EI24: variants seen among roughly 807,000 people sequenced by gnomAD.
EI24 encodes the protein EI24 autophagy associated transmembrane protein.
In EI24, 21 loss-of-function variants were observed where a neutral mutation model predicts 48.6. The observed-to-expected ratio is 0.43, with a 90% CI of 0.31 to 0.62. The LOEUF (loss-of-function observed/expected upper bound fraction) is 0.62, where lower values mean the gene tolerates loss of function less well. EI24 is among the 20% of genes least tolerant of loss of function. The pLI, the probability that EI24 is intolerant of heterozygous loss-of-function variation, is 0.10. For synonymous variants in EI24, 114 were observed against 145.5 expected (o/e 0.78, Z 1.56); for missense variants, 280 against 410.5 (o/e 0.68, Z 2.75).
chr11:125,569,659 C>T (rs111802869), intron 1 of EI24, 86 bp downstream of exon 1: 46,443 of 321,274 alleles, frequency 0.14, 3,761 homozygotes, highest in Middle Eastern at 0.24. Flanking sequence ...AGGCAGGGCC[C>T]GAGCGTGGGT....
rs373018001 is a variant in EI24, at chr11:125,578,534, G to A, written c.441+277G>A. Among the ~76,000 whole-genome samples the A allele has an allele frequency of 6.8e-4, 99 of 145,518 alleles. 1 individual carries two copies. The highest frequency in any genetic ancestry group is 1.0e-3 in the Non-Finnish European group (70 of 66,924). ...CAGTCTCACTCTGTCGCCCAGGCTG[G>A]AGTGCACTGCAACCTTTGCCTCCCG... On this transcript the variant is annotated intron_variant, in intron 6 of 10. Coordinates refer to ENST00000278903, the MANE Select transcript of EI24 (RefSeq NM_004879.5).
At chr11:125,580,342 G>A in intron 8 of EI24, 138 bp downstream of exon 8, 1 of 689,688 alleles carries the variant, frequency 1.4e-6, no homozygotes, top group Non-Finnish European at 2.6e-6. Flanking sequence ...GCAAGAGGGA[G>A]CTTACCTTCG....
intron 10 of EI24, 65 bp downstream of exon 10, chr11:125,582,485 TC>T: frequency 8.2e-7 from 1 of 1,220,196 alleles, no homozygotes; most frequent in South Asian, 1.5e-5. Context: ...ACCAGTTATG[TC>T]AGTGAGGCTT....
intron 10 of EI24, 138 bp downstream of exon 10, chr11:125,582,558 A>T: frequency 1.5e-6 from 1 of 665,324 alleles, no homozygotes; most frequent in Non-Finnish European, 2.4e-6. Flanking sequence ...AGAGAGAAAC[A>T]CTTCTGGGAT....
chr11:125,578,198 G>A lies in EI24; in HGVS notation c.382G>A (p.Ala128Thr). 6.2e-7 allele frequency: 1 copy of A among 1,613,976 alleles called. No individual in the cohort carries two copies. Among genetic ancestry groups the A allele is most frequent in the Non-Finnish European group, 8.5e-7 (1 of 1,179,894 alleles). ...ATTCTTCCTCACGTCAATTTTCAGTGCTCTTTGGGTGCTCCCCTTGTTTGT... is the reference window on the plus strand; with the variant it reads ...ATTCTTCCTCACGTCAATTTTCAGTACTCTTTGGGTGCTCCCCTTGTTTGT... ...LEFFLTSIFSALWVLPLFVLS... is the reference protein window; with the variant it reads ...LEFFLTSIFSTLWVLPLFVLS... Residue 128 changes from alanine to threonine, a missense_variant, in exon 6 of 11, where the codon GCT becomes ACT. By Grantham distance (58) the Ala-to-Thr change is moderately conservative. Coordinates refer to ENST00000278903, the MANE Select transcript of EI24 (RefSeq NM_004879.5).
chr11:125,570,785 C>T (rs892907619), intron 1 of EI24, among the ~76,000 whole-genome samples: 1 of 152,114 alleles, frequency 6.6e-6, no homozygotes, highest in African/African-American at 2.4e-5. Flanking sequence ...TATAGATGAG[C>T]CAGTGGCAGG....
chr11:125,577,027 T>C (rs999776371), intron 4 of EI24, among the ~76,000 whole-genome samples: 2 of 152,002 alleles, frequency 1.3e-5, no homozygotes, highest in Non-Finnish European at 2.9e-5. Context: ...TCAATTGGAG[T>C]GTTGGGAAAT....
At chr11:125,578,804 T>C (rs749436759) in intron 6 of EI24, 145 bp from the exon 7 acceptor site, 39 of 973,278 alleles carry the variant, frequency 4.0e-5, no homozygotes, top group Non-Finnish European at 5.0e-5. Context: ...TAGCTGGGAC[T>C]ATAGGCACAT....
chr11:125,576,149 A>T (rs1393703034), intron 3 of EI24, 106 bp from the exon 4 acceptor site: 25 of 1,138,772 alleles, frequency 2.2e-5, no homozygotes, highest in Non-Finnish European at 3.2e-5. Flanking sequence ...TGAGGCACTG[A>T]AAAATAATAC....
chr11:125,580,828 A>T (rs138929686), intron 8 of EI24: 1 of 154,500 alleles, frequency 6.5e-6, no homozygotes, highest in Non-Finnish European at 1.4e-5. Context: ...TGTAATCCCA[A>T]CACTTTGGGA....
rs139525965 is a variant in EI24, at chr11:125,577,589, C to T, written c.316+19C>T. 3,351 of 1,605,052 alleles carry T rather than the reference C, an allele frequency of 2.1e-3. 6 individuals carry two copies. The highest frequency in any genetic ancestry group is 2.5e-3 in the Non-Finnish European group (2,907 of 1,174,054). The stretch of plus-strand genomic sequence containing the variant: ...ATTATCGGTAAGTGTATACCCTGCT[C>T]CTTGTCTGTTGGGGACAGAGTGGGA... On this transcript the variant is annotated intron_variant, in intron 5 of 10. Coordinates refer to ENST00000278903, the MANE Select transcript of EI24 (RefSeq NM_004879.5).
intron 3 of EI24, chr11:125,575,905 C>T (rs1227423390): frequency 5.1e-6 from 2 of 393,130 alleles, no homozygotes; most frequent in Non-Finnish European, 1.0e-5. Flanking sequence ...TCTTCTGCCT[C>T]AGCGAACCGG....
In EI24 at chr11:125,578,190, T is replaced by A. The variant is rs1938830464; in HGVS notation, c.374T>A (p.Ile125Asn). Residue 125 changes from isoleucine to asparagine, a missense_variant, in exon 6 of 11, where the codon ATT becomes AAT. By Grantham distance (149) the Ile-to-Asn change is moderately radical. Transcript: ENST00000278903. ...TGGCTGGAATTCTTCCTCACGTCAA[T>A]TTTCAGTGCTCTTTGGGTGCTCCCC... ...WSWLEFFLTS[I>N]FSALWVLPLF... 6.2e-7 allele frequency: 1 copy of A among 1,613,878 alleles called. No individual in the cohort carries two copies. Among genetic ancestry groups the A allele is most frequent in the African/African-American group, 1.3e-5 (1 of 74,928 alleles).
chr11:125,575,133 A>C (rs1475334832), intron 2 of EI24, 130 bp from the exon 3 acceptor site: 2 of 753,740 alleles, frequency 2.7e-6, no homozygotes, highest in Non-Finnish European at 3.9e-6. Flanking sequence ...AGGCTGAGGC[A>C]GGAGGATCAT....
At position 125,584,250 on chromosome 11, in the gene EI24, A is replaced by T. The variant is rs1031104215; in HGVS notation, c.*567A>T. On this transcript the variant is annotated 3_prime_UTR_variant, in exon 11 of 11. Transcript: ENST00000278903. ...ACTGCAAAAAAAAAAAAAAAAAAAA[A>T]AAAAAAAAAAAAGCCTGAAGAGATG... 2.7e-5 allele frequency: 4 copies of T among 150,416 alleles called. No homozygotes were observed. Among genetic ancestry groups the T allele is most frequent in the African/African-American group, 9.9e-5 (4 of 40,392 alleles). 9.3% of individuals were successfully genotyped at this position (150,416 alleles called of 1,614,324 possible). A position where few individuals can be genotyped will look rare whatever the true frequency, so the allele number is the denominator to read the frequency against.
rs1023401122 is a variant in EI24 at position 125,583,391 on chromosome 11, T to C, written c.861-130T>C. On this transcript the variant is annotated intron_variant, in intron 10 of 10. Coordinates refer to ENST00000278903, the MANE Select transcript of EI24 (RefSeq NM_004879.5). ...GTTCCATCCATGTATCTAATATCTG[T>C]ATTTCCTTGATCAAGTTTCATTTGT... 3.9e-6 allele frequency: 3 copies of C among 777,068 alleles called. No homozygotes were observed. In the Admixed American group the frequency reaches 9.0e-5, roughly 23 times the overall value. The allele number at this position is 777,068 out of a possible 1,614,324, so 48.1% of individuals were successfully genotyped here.
In EI24 at chr11:125,576,312, C is replaced by G. The variant is rs1726276667; in HGVS notation, c.246C>G (p.Phe82Leu). The part of the protein sequence containing the change: ...FQCCAWNGGV[F>L]WFSLLLFYRV... The stretch of plus-strand genomic sequence containing the variant: ...GTTGTGCTTGGAATGGTGGAGTGTT[C>G]TGGGTAAGTTCTTTAAATTCCAGGT... The change falls in exon 4 of 11, where the codon TTC becomes TTG. Residue 82 changes from phenylalanine (F) to leucine (L), a missense_variant. Phe to Leu is a conservative substitution (Grantham distance 22). Transcript: ENST00000278903. 1 of 1,613,650 alleles carries G rather than the reference C, an allele frequency of 6.2e-7. No homozygotes were observed.
In EI24 at chr11:125,581,262, A is replaced by G. The variant is rs762315438; in HGVS notation, c.725A>G (p.Tyr242Cys). The part of the protein sequence containing the change: ...LSNIERNWPY[Y>C]FGFGLPLAFL... ...AACATAGAAAGGAATTGGCCTTACT[A>G]CTTTGGGTTTGGTTTGCCCTTGGCT... Residue 242 changes from tyrosine (Y) to cysteine (C), a missense_variant, in exon 9 of 11, where the codon TAC becomes TGC. Transcript: ENST00000278903. 3.1e-6 allele frequency: 5 copies of G among 1,612,264 alleles called. No individual in the cohort carries two copies. The highest frequency in any genetic ancestry group is 4.2e-6 in the Non-Finnish European group (5 of 1,178,866).
chr11:125,583,347 A>G (rs752497732), intron 10 of EI24, among the ~76,000 whole-genome samples, 174 bp from the exon 11 acceptor site: 3 of 152,120 alleles, frequency 2.0e-5, no homozygotes, highest in Admixed American at 6.5e-5. Context: ...CCCGGCTCCA[A>G]TGTATTCTTT....
Sources: gnomAD v4.1 joint callset for allele counts (sites outside exome capture counted in the v4.1 genomes callset) on GRCh38, gnomAD v4.1.1 for gene constraint, MANE v1.5 for transcripts, NCBI Gene and HGNC (gene_info 2026-07-23, HGNC 2026-07-21) for gene names.